The following MCPH1 variants were observed in gnomAD, a reference collection of about 807,000 sequenced individuals.
MCPH1 encodes microcephalin.
A neutral mutation model predicts 84.5 loss-of-function variants in MCPH1; 104 were observed. The ratio of observed to expected loss-of-function variants is 1.23; its 90% CI spans 1.05 to 1.45. The LOEUF (loss-of-function observed/expected upper bound fraction) is 1.45, where lower values mean the gene tolerates loss of function less well. Among genes scored for constraint, MCPH1 ranks in the 40% most tolerant of loss-of-function variants. The pLI is 0.00. For synonymous variants in MCPH1, 514 were observed against 366.8 expected (o/e 1.40, Z -4.58); for missense variants, 1,498 against 1,005.7 (o/e 1.49, Z -6.62).
intron 12 of MCPH1, among the ~76,000 whole-genome samples, chr8:6,581,599 G>A (rs1827571219): frequency 6.6e-6 from 1 of 152,162 alleles, no homozygotes; most frequent in Non-Finnish European, 1.5e-5. Flanking sequence ...AACACAGTTA[G>A]GAAGTTACAT....
At chr8:6,543,302 G>A (rs1563098032) in intron 12 of MCPH1, among the ~76,000 whole-genome samples, 1 of 152,292 alleles carries the variant, frequency 6.6e-6, no homozygotes. Context: ...CCCGCCGTCC[G>A]CAAATGTGTT....
intron 12 of MCPH1, chr8:6,500,258 A>G (rs1811892163): frequency 9.0e-6 from 3 of 333,244 alleles, no homozygotes; most frequent in Non-Finnish European, 1.7e-5. Context: ...TACTGTTAAT[A>G]GAAATAGAAC....
At chr8:6,572,923 C>G (rs1226829087) in intron 12 of MCPH1, among the ~76,000 whole-genome samples, 1 of 152,230 alleles carries the variant, frequency 6.6e-6, no homozygotes, top group African/African-American at 2.4e-5. Flanking sequence ...TTATTTAGAT[C>G]CACACTGTTA....
intron 9 of MCPH1, among the ~76,000 whole-genome samples, chr8:6,469,281 A>G (rs545627788): frequency 8.5e-5 from 13 of 152,194 alleles, no homozygotes; most frequent in Non-Finnish European, 1.5e-4. Flanking sequence ...GGGAATATCA[A>G]CATTATTATA....
chr8:6,491,160 T>C (rs191079543), intron 11 of MCPH1, among the ~76,000 whole-genome samples: 1 of 151,566 alleles, frequency 6.6e-6, no homozygotes, highest in African/African-American at 2.4e-5. Context: ...ATACATTTCT[T>C]AAAATCTCTC....
intron 12 of MCPH1, chr8:6,521,198 G>C: frequency 6.2e-7 from 1 of 1,613,312 alleles, no homozygotes; most frequent in Non-Finnish European, 8.5e-7. Flanking sequence ...GGACATCATA[G>C]TCAGTAAGTT....
chr8:6,521,181 T>C (rs568359087), intron 12 of MCPH1: 2 of 1,610,856 alleles, frequency 1.2e-6, no homozygotes, highest in Admixed American at 3.3e-5. Context: ...AACTTACAGT[T>C]TGATGTGGAC....
intron 12 of MCPH1, among the ~76,000 whole-genome samples, chr8:6,544,492 CTG>C (rs1468574122): frequency 1.3e-5 from 2 of 152,158 alleles, no homozygotes; most frequent in South Asian, 2.1e-4. Flanking sequence ...TTACGTCAAA[CTG>C]TTTTTTACAA....
chr8:6,625,837 C>G (rs530412234), intron 13 of MCPH1: 3 of 985,250 alleles, frequency 3.0e-6, no homozygotes, highest in East Asian at 1.1e-4. Context: ...GTTTCTGTAT[C>G]TTAACAGTCT....
At chr8:6,614,395 C>T (rs1050378616) in intron 12 of MCPH1, among the ~76,000 whole-genome samples, 1 of 152,214 alleles carries the variant, frequency 6.6e-6, no homozygotes, top group Non-Finnish European at 1.5e-5. Flanking sequence ...CCCTCACCCC[C>T]ATCTCCTCCA....
chr8:6,601,439 C>A (rs1430151396), intron 12 of MCPH1, among the ~76,000 whole-genome samples: 1 of 151,934 alleles, frequency 6.6e-6, no homozygotes, highest in East Asian at 1.9e-4. Context: ...CCGTACGGGA[C>A]TGCTCACCTC....
intron 12 of MCPH1, among the ~76,000 whole-genome samples, chr8:6,579,987 G>A (rs964061969): frequency 6.6e-6 from 1 of 152,188 alleles, no homozygotes; most frequent in Admixed American, 6.5e-5. Context: ...AAATGTGGCT[G>A]CCCCATCCCT....
intron 13 of MCPH1, among the ~76,000 whole-genome samples, chr8:6,642,102 T>C (rs897513955): frequency 1.3e-5 from 2 of 152,250 alleles, no homozygotes; most frequent in African/African-American, 2.4e-5. Flanking sequence ...ACCACCAGGA[T>C]AGCTTTCCAC....
intron 12 of MCPH1, among the ~76,000 whole-genome samples, chr8:6,572,745 C>G (rs1024592647): frequency 2.6e-5 from 4 of 152,090 alleles, no homozygotes; most frequent in African/African-American, 7.2e-5. Context: ...ATTTAGAGAC[C>G]CAGTCCTGTT....
intron 12 of MCPH1, among the ~76,000 whole-genome samples, chr8:6,562,206 G>C (rs1346278938): frequency 6.6e-6 from 1 of 152,192 alleles, no homozygotes; most frequent in Admixed American, 6.5e-5. Flanking sequence ...TCGGTCATCA[G>C]CATGGTTGTC....
intron 13 of MCPH1, among the ~76,000 whole-genome samples, chr8:6,629,717 G>C (rs1340242352): frequency 6.6e-6 from 1 of 152,150 alleles, no homozygotes; most frequent in Non-Finnish European, 1.5e-5. Context: ...GAGCAAACTA[G>C]TTCAGCCCAA....
Position 6,480,727 on chromosome 8 carries a change from G to T in MCPH1, c.1987G>T (p.Val663Phe). 6.2e-7 allele frequency: 1 copy of T among 1,614,056 alleles called. No individual in the cohort carries two copies. Among genetic ancestry groups the T allele is most frequent in the Non-Finnish European group, 8.5e-7 (1 of 1,180,026 alleles). ...TSMPSEKQNV[V>F]IQVVDKLKGF... ...CCGATTTGACAGAAAGCAGAATGTC[G>T]TCATCCAGGTTGTGGATAAATTGAA... Residue 663 changes from valine to phenylalanine, a missense_variant, in exon 11 of 14, where the codon GTC becomes TTC. Transcript: ENST00000344683.
intron 13 of MCPH1, among the ~76,000 whole-genome samples, chr8:6,637,930 G>A (rs1465113740): frequency 6.6e-6 from 1 of 152,188 alleles, no homozygotes; most frequent in Non-Finnish European, 1.5e-5. Context: ...TACATTGGAT[G>A]TGGCATATTA....
chr8:6,470,474 A>G (rs1449480991), intron 9 of MCPH1, among the ~76,000 whole-genome samples: 2 of 152,084 alleles, frequency 1.3e-5, no homozygotes, highest in Non-Finnish European at 1.5e-5. Context: ...TAGGAGAGAT[A>G]GGGTTTCACC....
Sources: gnomAD v4.1 joint callset for allele counts (sites outside exome capture counted in the v4.1 genomes callset) on GRCh38, gnomAD v4.1.1 for gene constraint, MANE v1.5 for transcripts, NCBI Gene and HGNC (gene_info 2026-07-23, HGNC 2026-07-21) for gene names.